EYA4: variants seen among roughly 807,000 people sequenced by gnomAD.
EYA4 encodes the protein EYA transcriptional coactivator and phosphatase 4.
Under a neutral mutation model 87.9 loss-of-function variants are expected in EYA4, and 31 were observed. The observed-to-expected ratio is 0.35, with a 90% CI of 0.27 to 0.48. The LOEUF (loss-of-function observed/expected upper bound fraction) is 0.48, where lower values mean the gene tolerates loss of function less well. Among genes scored for constraint, EYA4 ranks in the 20% least tolerant of loss-of-function variants. The probability of loss-of-function intolerance (pLI) is 0.99; values close to 1 mark genes in which losing one functional copy is unlikely to be tolerated. For missense variants in EYA4, 678 were observed against 761.4 expected, an observed-to-expected ratio of 0.89 and a Z score of 1.29; for synonymous variants, 263 against 270.6, an observed-to-expected ratio of 0.97 and a Z score of 0.28.
At chr6:133,302,624 A>T (rs1358137540) in intron 2 of EYA4, among the ~76,000 whole-genome samples, 1 of 152,234 alleles carries the variant, frequency 6.6e-6, no homozygotes, top group Non-Finnish European at 1.5e-5. Flanking sequence ...CACAGTACAC[A>T]CAAACACACA....
intron 2 of EYA4, among the ~76,000 whole-genome samples, chr6:133,321,155 A>G (rs1781060205): frequency 6.6e-6 from 1 of 152,142 alleles, no homozygotes; most frequent in Admixed American, 6.5e-5. Flanking sequence ...TTTGTTAGTA[A>G]TCTGTTTTGT....
intron 2 of EYA4, among the ~76,000 whole-genome samples, chr6:133,277,491 G>A (rs993137222): frequency 6.6e-6 from 1 of 152,208 alleles, no homozygotes; most frequent in Non-Finnish European, 1.5e-5. Context: ...CTATGGAGTG[G>A]AAGGATAATA....
At chr6:133,477,115 C>T (rs1795811136) in intron 11 of EYA4, among the ~76,000 whole-genome samples, 1 of 152,036 alleles carries the variant, frequency 6.6e-6, no homozygotes, top group Non-Finnish European at 1.5e-5. Context: ...CTGAGGCTTC[C>T]TCAGCCATGC....
intron 19 of EYA4, among the ~76,000 whole-genome samples, chr6:133,528,109 C>G (rs1259781705): frequency 6.6e-6 from 1 of 152,116 alleles, no homozygotes; most frequent in Non-Finnish European, 1.5e-5. Context: ...AAAATGTATG[C>G]TAGAGTACTT....
intron 1 of EYA4, among the ~76,000 whole-genome samples, chr6:133,269,624 G>A (rs1776523355): frequency 6.6e-6 from 1 of 152,064 alleles, no homozygotes; most frequent in Non-Finnish European, 1.5e-5. Context: ...GGAAAATATT[G>A]CAAAGCATAA....
chr6:133,367,592 T>C (rs576922524), intron 2 of EYA4, among the ~76,000 whole-genome samples: 1 of 152,308 alleles, frequency 6.6e-6, no homozygotes, highest in East Asian at 1.9e-4. Flanking sequence ...GCTTCACTTT[T>C]ATCAGAATGT....
intron 5 of EYA4, among the ~76,000 whole-genome samples, chr6:133,450,788 G>T (rs1396800433): frequency 1.3e-5 from 2 of 152,248 alleles, no homozygotes. Context: ...CGGGATTACA[G>T]GCGTGGGCCA....
At chr6:133,492,269 G>A (rs1478068456) in intron 13 of EYA4, among the ~76,000 whole-genome samples, 2 of 152,274 alleles carry the variant, frequency 1.3e-5, no homozygotes, top group East Asian at 3.9e-4. Flanking sequence ...CATGACCCAA[G>A]TGGGCTTTAC....
intron 3 of EYA4, among the ~76,000 whole-genome samples, chr6:133,408,943 A>T (rs1184444206): frequency 6.6e-6 from 1 of 152,162 alleles, no homozygotes; most frequent in Non-Finnish European, 1.5e-5. Flanking sequence ...ACATAGTGAA[A>T]AAAAGAGTTC....
At chr6:133,253,136 T>C (rs1048566554) in intron 1 of EYA4, among the ~76,000 whole-genome samples, 1 of 152,040 alleles carries the variant, frequency 6.6e-6, no homozygotes, top group Non-Finnish European at 1.5e-5. Flanking sequence ...CATAGCTCCT[T>C]GTTAGCAGAG....
At chr6:133,526,982 G>A (rs755105635) in intron 19 of EYA4, among the ~76,000 whole-genome samples, 1 of 152,236 alleles carries the variant, frequency 6.6e-6, no homozygotes, top group African/African-American at 2.4e-5. Context: ...AAACTTAGCC[G>A]AGTCTACCTG....
rs114797550 is a variant in EYA4 at position 133,421,810 on chromosome 6, G to A, written c.84-24820G>A. ...AATCAGGACAGAGTTATGGATAGCCGTATACTTCCCTAGTGTTTATAGATA... is the reference window on the plus strand; with the variant it reads ...AATCAGGACAGAGTTATGGATAGCCATATACTTCCCTAGTGTTTATAGATA... On this transcript the variant is annotated intron_variant, in intron 3 of 19. Coordinates refer to ENST00000355286, the MANE Select transcript of EYA4 (RefSeq NM_004100.5). Among the ~76,000 whole-genome samples, 546 of 152,232 alleles carry A rather than the reference G, an allele frequency of 3.6e-3. 3 individuals are homozygous for A. The highest frequency in any genetic ancestry group is 0.011 in the African/African-American group (474 of 41,536).
At chr6:133,427,240 A>G (rs1035401517) in intron 3 of EYA4, among the ~76,000 whole-genome samples, 1 of 152,220 alleles carries the variant, frequency 6.6e-6, no homozygotes. Context: ...TCTTGAGTGG[A>G]ATTACAAAAC....
At chr6:133,500,805 C>G (rs2128748513) in intron 13 of EYA4, among the ~76,000 whole-genome samples, 1 of 152,272 alleles carries the variant, frequency 6.6e-6, no homozygotes, top group South Asian at 2.1e-4. Flanking sequence ...CTGTCACATT[C>G]CTGTCATTAG....
intron 2 of EYA4, among the ~76,000 whole-genome samples, chr6:133,337,548 A>G (rs1374708753): frequency 6.6e-6 from 1 of 152,198 alleles, no homozygotes; most frequent in Non-Finnish European, 1.5e-5. Flanking sequence ...TTTTGCAATC[A>G]AAATGGAAAT....
intron 3 of EYA4, among the ~76,000 whole-genome samples, chr6:133,400,796 A>G (rs1378105693): frequency 6.6e-6 from 1 of 152,064 alleles, no homozygotes; most frequent in Non-Finnish European, 1.5e-5. Context: ...TGAAGTTGGG[A>G]CCTGCTTTTT....
intron 1 of EYA4, among the ~76,000 whole-genome samples, chr6:133,249,634 T>C (rs1011911956): frequency 6.6e-6 from 1 of 152,204 alleles, no homozygotes; most frequent in African/African-American, 2.4e-5. Context: ...AAATACACCT[T>C]GGACATTTCC....
intron 1 of EYA4, chr6:133,247,793 A>G (rs1774534884): frequency 6.6e-6 from 1 of 151,442 alleles, no homozygotes; most frequent in Non-Finnish European, 1.5e-5. Context: ...ACTCACCAAC[A>G]GTACCCTCTC....
At chr6:133,306,058 C>A (rs1779779670) in intron 2 of EYA4, among the ~76,000 whole-genome samples, 1 of 152,084 alleles carries the variant, frequency 6.6e-6, no homozygotes, top group Non-Finnish European at 1.5e-5. Flanking sequence ...CCAAATGTAA[C>A]CACTTTTCCT....
Sources: gnomAD v4.1 joint callset for allele counts (sites outside exome capture counted in the v4.1 genomes callset) on GRCh38, gnomAD v4.1.1 for gene constraint, MANE v1.5 for transcripts, NCBI Gene and HGNC (gene_info 2026-07-23, HGNC 2026-07-21) for gene names.